The following DYM variants were observed in gnomAD, a reference collection of about 807,000 sequenced individuals.
DYM encodes the protein dymeclin.
A neutral mutation model predicts 93.1 loss-of-function variants in DYM; 78 were observed. The ratio of observed to expected loss-of-function variants is 0.84; its 90% confidence interval spans 0.70 to 1.01. DYM has a LOEUF of 1.01. DYM is among the 50% of genes least tolerant of loss of function. The pLI is 0.00. For missense variants in DYM, 789 were observed against 845.0 expected, an observed-to-expected ratio of 0.93 and a Z score of 0.82; for synonymous variants, 321 against 319.7, an observed-to-expected ratio of 1.00 and a Z score of -0.04.
chr18:49,250,713 T>C (rs950592092), intron 13 of DYM, among the ~76,000 whole-genome samples: 4 of 152,128 alleles, frequency 2.6e-5, no homozygotes, highest in African/African-American at 9.7e-5. Flanking sequence ...GGGAAGCTGG[T>C]TGAAAAAGAA....
intron 10 of DYM, among the ~76,000 whole-genome samples, chr18:49,274,737 C>T (rs896499183): frequency 6.6e-6 from 1 of 152,112 alleles, no homozygotes; most frequent in African/African-American, 2.4e-5. Flanking sequence ...CTAATAATGT[C>T]AAGTTGTTTT....
intron 1 of DYM, among the ~76,000 whole-genome samples, chr18:49,450,187 C>A (rs118002698): frequency 0.016 from 2,462 of 152,258 alleles, 25 homozygotes; most frequent in South Asian, 0.048. Context: ...ATTATATGGT[C>A]TTTTCCTAAA....
chr18:49,353,088 G>A (rs576989753), intron 6 of DYM, among the ~76,000 whole-genome samples: 2 of 152,004 alleles, frequency 1.3e-5, no homozygotes, highest in East Asian at 1.9e-4. Flanking sequence ...TTCATTAGCC[G>A]ATTTAAAGTA....
intron 7 of DYM, among the ~76,000 whole-genome samples, chr18:49,333,511 A>T (rs2063455629): frequency 6.6e-6 from 1 of 152,230 alleles, no homozygotes; most frequent in African/African-American, 2.4e-5. Context: ...CCACTGGAGA[A>T]GGTAATGAAG....
intron 17 of DYM, among the ~76,000 whole-genome samples, chr18:49,089,457 G>A (rs1003981075): frequency 2.0e-5 from 3 of 152,192 alleles, no homozygotes; most frequent in African/African-American, 7.2e-5. Context: ...GGATCACAAA[G>A]TGAAAGTTCT....
chr18:49,053,339 A>C (rs991333716), intron 17 of DYM, among the ~76,000 whole-genome samples: 1 of 152,236 alleles, frequency 6.6e-6, no homozygotes, highest in South Asian at 2.1e-4. Flanking sequence ...TATTACCACG[A>C]AAGTTGAATG....
intron 8 of DYM, among the ~76,000 whole-genome samples, chr18:49,302,451 G>A (rs1489142543): frequency 6.6e-6 from 1 of 152,168 alleles, no homozygotes; most frequent in African/African-American, 2.4e-5. Flanking sequence ...TTGGAAAAAT[G>A]TCAATCTGTA....
chr18:49,193,349 A>G (rs2091155454), intron 14 of DYM, among the ~76,000 whole-genome samples: 2 of 152,190 alleles, frequency 1.3e-5, no homozygotes, highest in South Asian at 4.1e-4. Flanking sequence ...TCTTTAAAAA[A>G]TTCTATACAT....
rs2070727957 is a variant in DYM, at chr18:49,036,987, C to T, written c.*7068G>A. On this transcript the variant is annotated 3_prime_UTR_variant, in exon 18 of 18. Coordinates refer to ENST00000675505, the MANE Select transcript of DYM (RefSeq NM_001353214.3). ...CACAATCTCTGCCCACTGAACCCTC[C>T]ACCTCCCAGGTTCAAGCAATTCTCT... Among the ~76,000 whole-genome samples, 1 of 152,056 alleles carries T rather than the reference C, an allele frequency of 6.6e-6. No individual in the cohort carries two copies. The highest frequency in any genetic ancestry group is 2.4e-5 in the African/African-American group (1 of 41,384).
chr18:49,150,161 A>C (rs2085657810), intron 15 of DYM, among the ~76,000 whole-genome samples: 1 of 152,262 alleles, frequency 6.6e-6, no homozygotes, highest in South Asian at 2.1e-4. Context: ...AGAGGTTTAA[A>C]GCACTACTAC....
At position 49,293,392 on chromosome 18, in the gene DYM, G is replaced by T. The variant is rs184859258; in HGVS notation, c.764-6776C>A. Among the ~76,000 whole-genome samples the T allele has an allele frequency of 9.9e-5, 15 of 152,244 alleles. No homozygotes were observed. In the East Asian group the frequency reaches 1.7e-3, roughly 18 times the overall value. On this transcript the variant is annotated intron_variant, in intron 8 of 17. Coordinates refer to ENST00000675505, the MANE Select transcript of DYM (RefSeq NM_001353214.3). Reference sequence around the variant, plus strand: ...GTATTTCTGGTTCTAGATCCTTGAGGAATCACCACACTGTCTTCCACAATG... The same window carrying T: ...GTATTTCTGGTTCTAGATCCTTGAGTAATCACCACACTGTCTTCCACAATG...
At chr18:49,102,174 A>G (rs941591321) in intron 16 of DYM, among the ~76,000 whole-genome samples, 3 of 152,226 alleles carry the variant, frequency 2.0e-5, no homozygotes, top group African/African-American at 7.2e-5. Flanking sequence ...TACACACCTA[A>G]TAACAGTAAG....
intron 17 of DYM, among the ~76,000 whole-genome samples, chr18:49,081,127 C>T (rs962875460): frequency 6.7e-6 from 1 of 149,726 alleles, no homozygotes; most frequent in Non-Finnish European, 1.5e-5. Context: ...GCTGCAATCT[C>T]GGCACTTTGG....
At chr18:49,167,025 TGTGTGTGTGC>T (rs1373312551) in intron 14 of DYM, among the ~76,000 whole-genome samples, 24 of 130,060 alleles carry the variant, frequency 1.8e-4, no homozygotes, top group African/African-American at 6.2e-4. Flanking sequence ...TGTGTGTGTG[TGTGTGTGTGC>T]GCGCCTGTGT....
chr18:49,166,870 A>C (rs564680769), intron 14 of DYM, among the ~76,000 whole-genome samples: 1 of 152,112 alleles, frequency 6.6e-6, no homozygotes, highest in Non-Finnish European at 1.5e-5. Flanking sequence ...TCTTGGTGTT[A>C]GGAAGAAGAA....
intron 13 of DYM, among the ~76,000 whole-genome samples, chr18:49,243,217 G>C (rs553881005): frequency 1.5e-3 from 228 of 152,248 alleles, no homozygotes; most frequent in African/African-American, 5.3e-3. Context: ...CACAGAGCCT[G>C]CTAGACAATA....
At chr18:49,161,125 A>C (rs2145004700) in intron 15 of DYM, among the ~76,000 whole-genome samples, 1 of 152,308 alleles carries the variant, frequency 6.6e-6, no homozygotes. Flanking sequence ...CAGATTCCAA[A>C]TGGAATTTTC....
chr18:49,165,986 A>T (rs1167896115), intron 14 of DYM, among the ~76,000 whole-genome samples: 1 of 146,700 alleles, frequency 6.8e-6, no homozygotes, highest in Non-Finnish European at 1.5e-5. Flanking sequence ...CTATACAAGA[A>T]GTAGAAAACA....
intron 6 of DYM, among the ~76,000 whole-genome samples, chr18:49,360,259 C>A (rs1187827440): frequency 8.1e-3 from 926 of 114,104 alleles, no homozygotes; most frequent in South Asian, 0.012. Context: ...TCAATAAAGG[C>A]AAAAAAAAAA....
Sources: allele counts gnomAD v4.1 joint callset (sites outside exome capture counted in the v4.1 genomes callset), GRCh38; gene constraint gnomAD v4.1.1; transcripts MANE v1.5; gene names NCBI Gene and HGNC (gene_info 2026-07-23, HGNC 2026-07-21).